Variants in PLCE1 observed in about 807,000 individuals in gnomAD.
The protein encoded by PLCE1 is 1-phosphatidylinositol 4,5-bisphosphate phosphodiesterase epsilon-1.
In PLCE1, 119 loss-of-function variants were observed where a neutral mutation model predicts 242.8. The observed-to-expected ratio is 0.49, with a 90% CI of 0.42 to 0.57. PLCE1 has a LOEUF of 0.57. PLCE1 is among the 20% of genes least tolerant of loss of function. The pLI, the probability that PLCE1 is intolerant of heterozygous loss-of-function variation, is 0.00. For synonymous variants in PLCE1, 945 were observed against 1,017.4 expected (o/e 0.93, Z 1.35); for missense variants, 2,441 against 2,788.8 (o/e 0.88, Z 2.81).
intron 2 of PLCE1, chr10:94,104,554 T>C (rs866612332): frequency 1.8e-4 from 27 of 152,232 alleles, no homozygotes; most frequent in African/African-American, 6.3e-4. Context: ...ATTTGTTGAA[T>C]GAATGAACCA....
intron 18 of PLCE1, among the ~76,000 whole-genome samples, chr10:94,271,514 C>T (rs992040303): frequency 1.3e-5 from 2 of 151,720 alleles, no homozygotes; most frequent in Non-Finnish European, 1.5e-5. Flanking sequence ...TGGGGTTTCA[C>T]CATGTTAGCC....
chr10:94,178,060 C>A (rs553629474), intron 4 of PLCE1, among the ~76,000 whole-genome samples: 9 of 151,994 alleles, frequency 5.9e-5, no homozygotes, highest in Non-Finnish European at 8.8e-5. Flanking sequence ...GGGTTGGAAC[C>A]CTTCATTGCA....
chr10:94,213,540 C>T (rs760107143), intron 4 of PLCE1, among the ~76,000 whole-genome samples: 1 of 152,226 alleles, frequency 6.6e-6, no homozygotes, highest in Non-Finnish European at 1.5e-5. Flanking sequence ...ACCCAGACCT[C>T]TTCCTCTTCT....
intron 7 of PLCE1, among the ~76,000 whole-genome samples, chr10:94,240,693 C>T (rs2050476190): frequency 6.6e-6 from 1 of 152,130 alleles, no homozygotes. Flanking sequence ...CTGTTGATCA[C>T]CCAATGTAAA....
At chr10:94,266,515 G>T (rs1375787496) in intron 16 of PLCE1, among the ~76,000 whole-genome samples, 1 of 152,146 alleles carries the variant, frequency 6.6e-6, no homozygotes, top group East Asian at 1.9e-4. Flanking sequence ...AACTCAGTAG[G>T]TTCTCTAGAC....
At chr10:94,012,830 G>A (rs1365478642) in intron 1 of PLCE1, among the ~76,000 whole-genome samples, 2 of 151,950 alleles carry the variant, frequency 1.3e-5, no homozygotes, top group Non-Finnish European at 2.9e-5. Flanking sequence ...TCTTACCTTG[G>A]CCACTCACTC....
At chr10:93,997,634 T>C in intron 1 of PLCE1, among the ~76,000 whole-genome samples, 1 of 36,014 alleles carries the variant, frequency 2.8e-5, no homozygotes, top group South Asian at 9.6e-4. Context: ...TAACCATCCT[T>C]TTTTTTTTTT....
chr10:94,261,874 G>A (rs1320700245), intron 13 of PLCE1, among the ~76,000 whole-genome samples: 1 of 152,056 alleles, frequency 6.6e-6, no homozygotes, highest in Non-Finnish European at 1.5e-5. Context: ...AAACAAAAAT[G>A]TGCAAGTAGT....
At chr10:94,195,615 C>T (rs999999821) in intron 4 of PLCE1, among the ~76,000 whole-genome samples, 6 of 152,070 alleles carry the variant, frequency 3.9e-5, no homozygotes, top group African/African-American at 1.4e-4. Context: ...TCATGACATT[C>T]ATGTAACTCC....
At chr10:94,317,077 C>T (rs755225872) in intron 29 of PLCE1, among the ~76,000 whole-genome samples, 56 of 151,888 alleles carry the variant, frequency 3.7e-4, no homozygotes, top group South Asian at 6.2e-4. Flanking sequence ...ATGGCGAAAC[C>T]CCATCTCTAC....
intron 3 of PLCE1, among the ~76,000 whole-genome samples, chr10:94,150,815 G>A (rs1213330594): frequency 6.6e-6 from 1 of 152,162 alleles, no homozygotes; most frequent in African/African-American, 2.4e-5. Context: ...ATGAAGCCCT[G>A]GGGAGGCCTC....
At chr10:94,216,999 C>T (rs528285881) in intron 4 of PLCE1, among the ~76,000 whole-genome samples, 12 of 149,280 alleles carry the variant, frequency 8.0e-5, no homozygotes, top group Non-Finnish European at 1.8e-4. Flanking sequence ...GAAGATTAGA[C>T]TCAACAGTAA....
At chr10:94,227,564 G>T (rs990955300) in intron 5 of PLCE1, 113 bp downstream of exon 5, 50 of 963,806 alleles carry the variant, frequency 5.2e-5, no homozygotes, top group Non-Finnish European at 7.8e-5. Flanking sequence ...AACTGGAAAT[G>T]ATTAACTTGG....
intron 29 of PLCE1, among the ~76,000 whole-genome samples, chr10:94,321,275 T>C (rs1419451543): frequency 6.6e-6 from 1 of 152,252 alleles, no homozygotes; most frequent in Non-Finnish European, 1.5e-5. Context: ...ATTTGGCTTT[T>C]GCTAATTGGC....
chr10:94,313,168 T>G (rs564233494), intron 27 of PLCE1, 86 bp from the exon 28 acceptor site: 1 of 1,515,496 alleles, frequency 6.6e-7, no homozygotes, highest in South Asian at 1.1e-5. Context: ...CTATCCGTAC[T>G]TCTAAGTACT....
intron 2 of PLCE1, among the ~76,000 whole-genome samples, chr10:94,058,557 A>T (rs2043965680): frequency 6.6e-6 from 1 of 152,196 alleles, no homozygotes; most frequent in South Asian, 2.1e-4. Context: ...TGGAATGAGC[A>T]TGCTGTGGGC....
intron 4 of PLCE1, among the ~76,000 whole-genome samples, chr10:94,204,495 C>T (rs1433994891): frequency 1.3e-5 from 2 of 151,630 alleles, no homozygotes; most frequent in Non-Finnish European, 2.9e-5. Flanking sequence ...GGTGAAACTG[C>T]GTCTTTACTA....
At chr10:94,302,191 C>T (rs1030811474) in intron 24 of PLCE1, among the ~76,000 whole-genome samples, 2 of 152,090 alleles carry the variant, frequency 1.3e-5, no homozygotes. Flanking sequence ...TGCGGCTCTA[C>T]GTGGATCTCT....
At chr10:94,282,089 C>T (rs1287224106) in intron 20 of PLCE1, among the ~76,000 whole-genome samples, 1 of 148,766 alleles carries the variant, frequency 6.7e-6, no homozygotes, top group Non-Finnish European at 1.5e-5. Context: ...TGCACAACTG[C>T]AAGAGTTTCA....
Sources: gnomAD v4.1 joint callset for allele counts (sites outside exome capture counted in the v4.1 genomes callset) on GRCh38, gnomAD v4.1.1 for gene constraint, MANE v1.5 for transcripts, NCBI Gene and HGNC (gene_info 2026-07-23, HGNC 2026-07-21) for gene names.